The following PROM1 variants were observed in gnomAD, a reference collection of about 807,000 sequenced individuals.
PROM1 encodes the protein prominin 1.
In PROM1, 105 loss-of-function variants were observed where a neutral mutation model predicts 116.9. The ratio of observed to expected loss-of-function variants is 0.90; its 90% CI spans 0.77 to 1.06. PROM1 has a LOEUF of 1.06. PROM1 is among the 50% of genes least tolerant of loss of function. The pLI, the probability that PROM1 is intolerant of heterozygous loss-of-function variation, is 0.00. For missense variants in PROM1, 1,122 were observed against 1,045.2 expected (o/e 1.07, Z -1.01); for synonymous variants, 393 against 387.0 (o/e 1.02, Z -0.18).
At chr4:16,032,000 G>C (rs1732814265) in intron 5 of PROM1, among the ~76,000 whole-genome samples, 1 of 152,154 alleles carries the variant, frequency 6.6e-6, no homozygotes, top group Admixed American at 6.5e-5. Context: ...AAAAAGCCCA[G>C]CTACAGCAAG....
intron 1 of PROM1, among the ~76,000 whole-genome samples, chr4:16,077,451 T>C: frequency 6.6e-6 from 1 of 152,194 alleles, no homozygotes; most frequent in Non-Finnish European, 1.5e-5. Context: ...CACCCAAGAA[T>C]GATCAATAAA....
intron 19 of PROM1, among the ~76,000 whole-genome samples, chr4:15,988,444 T>C (rs971927554): frequency 7.2e-5 from 11 of 152,250 alleles, no homozygotes; most frequent in Non-Finnish European, 1.6e-4. Context: ...TAGTCCCAAC[T>C]ACTCAACTTT....
At chr4:15,990,167 A>G (rs1488596802) in intron 18 of PROM1, among the ~76,000 whole-genome samples, 2 of 152,204 alleles carry the variant, frequency 1.3e-5, no homozygotes, top group Admixed American at 6.5e-5. Context: ...CCCACACTCA[A>G]TGAATGTTTA....
chr4:15,997,964 G>A (rs1418826495), intron 15 of PROM1, among the ~76,000 whole-genome samples: 1 of 152,216 alleles, frequency 6.6e-6, no homozygotes, highest in Non-Finnish European at 1.5e-5. Context: ...TCAGAGCCCA[G>A]GAGTCCTGAC....
At chr4:15,971,115 C>T (rs1714436243) in intron 26 of PROM1, 33 bp from the exon 27 acceptor site, 2 of 1,538,202 alleles carry the variant, frequency 1.3e-6, no homozygotes, top group Non-Finnish European at 1.7e-6. Context: ...AATATAATAC[C>T]CCCAACAAAG....
intron 3 of PROM1, among the ~76,000 whole-genome samples, chr4:16,037,569 G>A (rs1037150764): frequency 2.0e-5 from 3 of 152,174 alleles, no homozygotes; most frequent in South Asian, 2.1e-4. Flanking sequence ...CTCCCATGCC[G>A]GAAACACTAG....
At chr4:15,994,145 G>A (rs1721743183) in intron 15 of PROM1, 74 bp from the exon 16 acceptor site, 5 of 1,597,310 alleles carry the variant, frequency 3.1e-6, no homozygotes, top group Non-Finnish European at 3.4e-6. Context: ...TGAAGATGAG[G>A]AGAAAGGCTC....
At chr4:15,981,658 C>T (rs1717995710) in intron 23 of PROM1, among the ~76,000 whole-genome samples, 1 of 152,024 alleles carries the variant, frequency 6.6e-6, no homozygotes, top group Admixed American at 6.5e-5. Flanking sequence ...CATCTTCATT[C>T]CATGACATTA....
At chr4:15,982,687 G>C (rs558406530) in intron 23 of PROM1, among the ~76,000 whole-genome samples, 2 of 152,268 alleles carry the variant, frequency 1.3e-5, no homozygotes, top group South Asian at 2.1e-4. Context: ...GGGTGGTGGA[G>C]GCTGGACATA....
chr4:16,019,871 TACACACAC>T (rs3040447), intron 8 of PROM1, among the ~76,000 whole-genome samples: 18 of 148,154 alleles, frequency 1.2e-4, no homozygotes, highest in Non-Finnish European at 1.9e-4. Context: ...GTGTTAAAAA[TACACACAC>T]ACACACACAC....
At chr4:16,017,703 C>T (rs560678094) in intron 9 of PROM1, among the ~76,000 whole-genome samples, 6 of 152,268 alleles carry the variant, frequency 3.9e-5, no homozygotes, top group Admixed American at 6.5e-5. Context: ...TGCCTGTAAT[C>T]TCAGCTACTC....
intron 15 of PROM1, among the ~76,000 whole-genome samples, chr4:15,997,484 A>G (rs1349124708): frequency 3.3e-5 from 5 of 151,268 alleles, no homozygotes; most frequent in Admixed American, 3.3e-4. Context: ...TTCCTGAGAG[A>G]AAGTCTCACT....
chr4:15,996,312 C>T lies in PROM1; in HGVS notation c.1682+2073G>A, dbSNP rs184142804. Among the ~76,000 whole-genome samples, 182 of 152,284 alleles carry T rather than the reference C, an allele frequency of 1.2e-3. 2 individuals are homozygous for T. In the East Asian group the frequency reaches 0.032, roughly 27 times the overall value. On this transcript the variant is annotated intron_variant, in intron 15 of 27. Transcript: ENST00000447510. Reference sequence around the variant, plus strand: ...ATCACCTGAGGTCAAGAGTTCGAGACCAGCCTGACCAACATGGTGAAACCC... The same window carrying T: ...ATCACCTGAGGTCAAGAGTTCGAGATCAGCCTGACCAACATGGTGAAACCC...
chr4:16,042,988 T>C (rs1735692468), intron 2 of PROM1, among the ~76,000 whole-genome samples: 1 of 152,246 alleles, frequency 6.6e-6, no homozygotes, highest in Non-Finnish European at 1.5e-5. Flanking sequence ...TTGGAAACTA[T>C]AGTTATTTTT....
chr4:16,004,099 C>T (rs1227271513), intron 13 of PROM1, among the ~76,000 whole-genome samples: 1 of 152,234 alleles, frequency 6.6e-6, no homozygotes, highest in African/African-American at 2.4e-5. Context: ...CTTGTATCAT[C>T]TCCTCCTTTT....
intron 13 of PROM1, chr4:16,003,349 C>T: frequency 2.2e-6 from 1 of 456,710 alleles, no homozygotes. Context: ...ACTTCCTTCA[C>T]CTAGATTCCC....
chr4:16,013,750 G>C (rs996909404), intron 10 of PROM1, among the ~76,000 whole-genome samples: 2 of 152,068 alleles, frequency 1.3e-5, no homozygotes, highest in African/African-American at 4.8e-5. Context: ...ATTGTGTGGG[G>C]AGATGCCAGG....
chr4:15,993,417 T>A (rs1265229973), intron 16 of PROM1, among the ~76,000 whole-genome samples: 14 of 152,196 alleles, frequency 9.2e-5, no homozygotes, highest in African/African-American at 3.4e-4. Flanking sequence ...CAGTGTGCCC[T>A]GGAATGGTCT....
chr4:16,004,506 C>T (rs1178532212), intron 13 of PROM1, among the ~76,000 whole-genome samples: 1 of 151,824 alleles, frequency 6.6e-6, no homozygotes, highest in Non-Finnish European at 1.5e-5. Flanking sequence ...AGCAATTTAC[C>T]CTACCTTTCA....
Sources: gnomAD v4.1 joint callset for allele counts (sites outside exome capture counted in the v4.1 genomes callset) on GRCh38, gnomAD v4.1.1 for gene constraint, MANE v1.5 for transcripts, NCBI Gene and HGNC (gene_info 2026-07-23, HGNC 2026-07-21) for gene names.